The following USP6 variants were observed in gnomAD, a reference collection of about 807,000 sequenced individuals.
USP6 encodes ubiquitin specific peptidase 6, also known as ubiquitin carboxyl-terminal hydrolase 6.
In USP6, 128 loss-of-function variants were observed where a neutral mutation model predicts 175.7. The observed-to-expected ratio is 0.73, with a 90% CI of 0.63 to 0.84. USP6 has a LOEUF of 0.84. Ranked by LOEUF, USP6 falls within the 40% of genes least tolerant of loss-of-function variation. USP6 has a pLI of 0.00. For missense variants in USP6, 1,498 were observed against 1,760.3 expected, an observed-to-expected ratio of 0.85 and a Z score of 2.67; for synonymous variants, 562 against 630.6, an observed-to-expected ratio of 0.89 and a Z score of 1.63.
intron 30 of USP6, among the ~76,000 whole-genome samples, chr17:5,151,431 ATGTGTGTG>A (rs138448773): frequency 0.13 from 18,859 of 146,604 alleles, 1,314 homozygotes; most frequent in African/African-American, 0.17. Context: ...CAAAGTCTGC[ATGTGTGTG>A]TGTGTGTGTG....
chr17:5,135,251 A>G lies in USP6; in HGVS notation c.512A>G (p.Tyr171Cys). Residue 171 changes from tyrosine to cysteine, a missense_variant, in exon 16 of 38, where the codon TAC becomes TGC. Tyr to Cys is a radical substitution (Grantham distance 194). Transcript: ENST00000574788. ...TTTCCTAGGCAGAGGGAACTATTCT[A>G]CATCCTCCTGGCCTATTCGGAGTAT... ...RYGAKQRELF[Y>C]ILLAYSEYNP... The G allele has an allele frequency of 1.2e-6, 2 of 1,612,936 alleles. No individual in the cohort carries two copies. The highest frequency in any genetic ancestry group is 1.7e-6 in the Non-Finnish European group (2 of 1,179,160).
Position 5,137,887 on chromosome 17 carries a change from G to A in USP6, c.925+137G>A, listed in dbSNP as rs1404985276. 1.7e-5 allele frequency: 27 copies of A among 1,557,496 alleles called. No homozygotes were observed. The East Asian group carries it at 6.2e-4, about 36-fold the overall frequency. ...GAGGTCTGGCCAGGTGGGCTGGGCA[G>A]GGCACTGTGACACCGAGCCCATCCC... is the stretch of plus-strand genomic sequence containing the variant. On this transcript the variant is annotated intron_variant, in intron 20 of 37. Coordinates refer to ENST00000574788, the MANE Select transcript of USP6 (RefSeq NM_001304284.2).
At chr17:5,122,512 C>T (rs2072712348) in intron 4 of USP6, among the ~76,000 whole-genome samples, 2 of 152,246 alleles carry the variant, frequency 1.3e-5, no homozygotes, top group Admixed American at 1.3e-4. Flanking sequence ...AGCGGCCCGG[C>T]GGTCCTCTTA....
At chr17:5,139,094 CT>C in intron 21 of USP6, 160 bp from the exon 22 acceptor site, 1 of 1,595,424 alleles carries the variant, frequency 6.3e-7, no homozygotes, top group Non-Finnish European at 8.5e-7. Context: ...GCACACACCC[CT>C]CCCTCTGGGA....
Position 5,134,979 on chromosome 17 carries a change from G to T in USP6, c.495-255G>T, listed in dbSNP as rs80273209. 2.5e-3 allele frequency: 1,088 copies of T among 434,072 alleles called. 2 individuals carry two copies. The highest frequency in any genetic ancestry group is 4.2e-3 in the Non-Finnish European group (961 of 229,738). 26.9% of individuals were successfully genotyped at this position (434,072 alleles called of 1,614,324 possible). A position where few individuals can be genotyped will look rare whatever the true frequency, so the allele number is the denominator to read the frequency against. On this transcript the variant is annotated intron_variant, in intron 15 of 37. Coordinates refer to ENST00000574788, the MANE Select transcript of USP6 (RefSeq NM_001304284.2). ...AACTGTGCACCCAAAGACTGAACTG[G>T]TGTGTGTGCAAAAGAAAAAAAAAAT...
chr17:5,154,721 T>TC (rs1006678936), intron 30 of USP6, among the ~76,000 whole-genome samples: 5 of 109,370 alleles, frequency 4.6e-5, no homozygotes, highest in Non-Finnish European at 9.7e-5. Context: ...CTTTTTTTTT[T>TC]TCCCCCCACT....
In USP6 at chr17:5,130,593, G is replaced by C. The variant is rs774559112; in HGVS notation, c.73-9G>C. On this transcript the variant is annotated splice_polypyrimidine_tract_variant and intron_variant, in intron 10 of 37. Coordinates refer to ENST00000574788, the MANE Select transcript of USP6 (RefSeq NM_001304284.2). ...TGGACCCCTCACCAAGGCTCCCTCT[G>C]GGTTACAGGGACACCGAGCTGGGCT... 3.3e-5 allele frequency: 54 copies of C among 1,613,572 alleles called. No homozygotes were observed. The East Asian group carries it at 1.2e-3, about 35-fold the overall frequency.
Position 5,173,465 on chromosome 17 carries a change from T to C in USP6, c.*487T>C. On this transcript the variant is annotated 3_prime_UTR_variant, in exon 38 of 38. Transcript: ENST00000574788. The stretch of plus-strand genomic sequence containing the variant: ...AAGCAAGATCATGAAGGTGTGCAAA[T>C]GATTCTTACGGCATGGACAAGGATT... 4.5e-6 allele frequency: 1 copy of C among 222,196 alleles called. No individual in the cohort carries two copies. The highest frequency in any genetic ancestry group is 9.0e-6 in the Non-Finnish European group (1 of 110,948). The allele number at this position is 222,196 out of a possible 1,614,324, so 13.8% of individuals were successfully genotyped here.
rs1287846531 is a variant in USP6 at position 5,167,102 on chromosome 17, C to T, written c.3037-830C>T. 6.6e-5 allele frequency among the ~76,000 whole-genome samples: 10 copies of T among 152,330 alleles called. No individual in the cohort carries two copies. In the East Asian group the frequency reaches 9.7e-4, roughly 15 times the overall value. Reference sequence around the variant, plus strand: ...ACTCTGTGTTACATGGGATCAGATGCAAATGAGTTGTACCCTGTGGTGTTT... The same window carrying T: ...ACTCTGTGTTACATGGGATCAGATGTAAATGAGTTGTACCCTGTGGTGTTT... On this transcript the variant is annotated intron_variant, in intron 33 of 37. Coordinates refer to ENST00000574788, the MANE Select transcript of USP6 (RefSeq NM_001304284.2).
In USP6 at chr17:5,172,862, C is replaced by T; in HGVS notation, c.4105C>T (p.Gln1369Ter). The T allele has an allele frequency of 1.2e-6, 2 of 1,613,904 alleles. No homozygotes were observed. The highest frequency in any genetic ancestry group is 1.7e-6 in the Non-Finnish European group (2 of 1,179,874). Residue 1369 changes from glutamine (Q) to a stop codon, truncating the protein, a stop_gained, in exon 38 of 38, where the codon CAG becomes TAG. Coordinates refer to ENST00000574788, the MANE Select transcript of USP6 (RefSeq NM_001304284.2). LOFTEE classifies it high-confidence loss of function. ...DSAYILFYEQ[Q>*]GIDYAQFLPK... ...TGCCTACATTCTTTTCTATGAGCAG[C>T]AGGGGATAGACTACGCACAATTTCT... is the stretch of plus-strand genomic sequence containing the variant.
rs879084511 is a variant in USP6 at position 5,134,083 on chromosome 17, C to T, written c.494+87C>T. On this transcript the variant is annotated intron_variant, in intron 15 of 37. Transcript: ENST00000574788. ...TCCCCGGAGCAGAAGCCAGGGTCAC[C>T]CAGGAGGGATGACAGAGCTGCCAAG... 20 of 1,419,372 alleles carry T rather than the reference C, an allele frequency of 1.4e-5. No homozygotes were observed. In the South Asian group the frequency reaches 2.2e-4, roughly 16 times the overall value. The allele number at this position is 1,419,372 out of a possible 1,614,324, so 87.9% of individuals were successfully genotyped here.
intron 7 of USP6, 136 bp downstream of exon 7, chr17:5,127,775 C>T (rs1430602522): frequency 4.6e-5 from 7 of 152,266 alleles, no homozygotes; most frequent in East Asian, 1.9e-4. Flanking sequence ...CACATTCTCC[C>T]GTATACATTA....
chr17:5,169,726 G>A (rs1016318606), intron 35 of USP6, among the ~76,000 whole-genome samples: 1 of 152,186 alleles, frequency 6.6e-6, no homozygotes, highest in Non-Finnish European at 1.5e-5. Context: ...ACAGGTGTGA[G>A]CCACTGTGCC....
chr17:5,171,177 A>G (rs560078874), intron 36 of USP6, among the ~76,000 whole-genome samples: 2 of 151,964 alleles, frequency 1.3e-5, no homozygotes, highest in African/African-American at 4.8e-5. Context: ...CGTCTCTACA[A>G]ATAATTTTAA....
chr17:5,165,158 G>C (rs1218261766), intron 33 of USP6, among the ~76,000 whole-genome samples: 1 of 152,080 alleles, frequency 6.6e-6, no homozygotes, highest in Non-Finnish European at 1.5e-5. Flanking sequence ...TACTATTTAG[G>C]AAAAAGGACA....
intron 31 of USP6, among the ~76,000 whole-genome samples, chr17:5,158,684 C>A (rs545283949): frequency 1.9e-3 from 202 of 105,618 alleles, no homozygotes; most frequent in Middle Eastern, 9.4e-3. Context: ...TGAGAAGAAG[C>A]AGCCCGTAAT....
chr17:5,121,340 C>G, intron 3 of USP6, 35 bp from the exon 4 acceptor site: 1 of 344,112 alleles, frequency 2.9e-6, no homozygotes, highest in Non-Finnish European at 5.7e-6. Context: ...TTCTGAAAAT[C>G]TCCTGAAACC....
At chr17:5,143,461 C>T (rs2073513451) in intron 25 of USP6, among the ~76,000 whole-genome samples, 1 of 151,734 alleles carries the variant, frequency 6.6e-6, no homozygotes, top group South Asian at 2.1e-4. Flanking sequence ...TTACCCCCAA[C>T]CCTGTGCTCT....
In USP6 at chr17:5,167,992, C is replaced by T; in HGVS notation, c.3097C>T (p.Leu1033=). 1 of 1,611,964 alleles carries T rather than the reference C, an allele frequency of 6.2e-7. No homozygotes were observed. The highest frequency in any genetic ancestry group is 8.5e-7 in the Non-Finnish European group (1 of 1,179,840). ...SRRAQAEPIN[L]DSCLRAFTSE... is the part of the protein sequence containing the mutation. ...GCGAGCGCAAGCCGAGCCCATCAACCTGGACAGCTGTCTCCGTGCTTTCAC... is the reference window on the plus strand; with the variant it reads ...GCGAGCGCAAGCCGAGCCCATCAACTTGGACAGCTGTCTCCGTGCTTTCAC... Residue 1033 remains leucine, a synonymous_variant, in exon 34 of 38, where the codon CTG becomes TTG. Transcript: ENST00000574788.
Sources: gnomAD v4.1 joint callset for allele counts (sites outside exome capture counted in the v4.1 genomes callset) on GRCh38, gnomAD v4.1.1 for gene constraint, MANE v1.5 for transcripts, NCBI Gene and HGNC (gene_info 2026-07-23, HGNC 2026-07-21) for gene names.